Variants in COL25A1 observed in about 807,000 individuals in gnomAD.
COL25A1 encodes the protein collagen type XXV alpha 1 chain.
COL25A1 carries 103 observed loss-of-function variants against 128.4 expected under a neutral mutation model. The observed-to-expected ratio is 0.80, with a 90% CI of 0.68 to 0.94. The LOEUF (loss-of-function observed/expected upper bound fraction) is 0.94, where lower values mean the gene tolerates loss of function less well. COL25A1 is among the 40% of genes least tolerant of loss of function. COL25A1 has a pLI of 0.00. For synonymous variants in COL25A1, 279 were observed against 277.2 expected, an observed-to-expected ratio of 1.01 and a Z score of -0.06; for missense variants, 745 against 840.0, an observed-to-expected ratio of 0.89 and a Z score of 1.40.
chr4:109,032,114 C>T (rs1337779456), intron 5 of COL25A1, among the ~76,000 whole-genome samples: 1 of 152,014 alleles, frequency 6.6e-6, no homozygotes, highest in African/African-American at 2.4e-5. Context: ...CATTATCCAC[C>T]CCATTTTACA....
At chr4:108,925,906 T>C in intron 11 of COL25A1, among the ~76,000 whole-genome samples, 1 of 152,172 alleles carries the variant, frequency 6.6e-6, no homozygotes, top group East Asian at 1.9e-4. Flanking sequence ...TATGTGTATG[T>C]AGGCCTAAGG....
At chr4:109,087,999 A>G (rs1237412648) in intron 3 of COL25A1, among the ~76,000 whole-genome samples, 2 of 151,456 alleles carry the variant, frequency 1.3e-5, no homozygotes, top group Non-Finnish European at 2.9e-5. Context: ...TTCTGTGGTA[A>G]TGAATGGACT....
intron 13 of COL25A1, among the ~76,000 whole-genome samples, chr4:108,906,531 A>G (rs985161696): frequency 3.9e-5 from 6 of 152,134 alleles, no homozygotes; most frequent in African/African-American, 1.2e-4. Context: ...GTCTTCTGCC[A>G]TTAGGACTTT....
intron 18 of COL25A1, among the ~76,000 whole-genome samples, chr4:108,886,783 T>A (rs1185168214): frequency 6.6e-6 from 1 of 152,052 alleles, no homozygotes; most frequent in Non-Finnish European, 1.5e-5. Flanking sequence ...AGCTTAACCT[T>A]CAGGTTTAGA....
intron 3 of COL25A1, among the ~76,000 whole-genome samples, chr4:109,058,275 CT>C (rs752001192): frequency 6.6e-6 from 1 of 152,030 alleles, no homozygotes; most frequent in Non-Finnish European, 1.5e-5. Context: ...ATCATGACAG[CT>C]TTTTTTATTT....
At chr4:108,846,474 C>T (rs1735120802) in intron 27 of COL25A1, among the ~76,000 whole-genome samples, 2 of 152,198 alleles carry the variant, frequency 1.3e-5, no homozygotes, top group Admixed American at 6.5e-5. Flanking sequence ...TAGGTTTTGA[C>T]ATAATTTCTC....
intron 3 of COL25A1, among the ~76,000 whole-genome samples, chr4:109,053,416 C>T (rs1761160858): frequency 6.6e-6 from 1 of 152,202 alleles, no homozygotes; most frequent in South Asian, 2.1e-4. Context: ...TGTTTGAACG[C>T]TCTATTCCTC....
At chr4:109,266,541 G>A (rs948591113) in intron 3 of COL25A1, among the ~76,000 whole-genome samples, 20 of 152,202 alleles carry the variant, frequency 1.3e-4, no homozygotes, top group African/African-American at 4.8e-4. Context: ...AAAGATATGG[G>A]GGGCTGGGGA....
intron 3 of COL25A1, among the ~76,000 whole-genome samples, chr4:109,233,719 C>T (rs1324868800): frequency 6.6e-6 from 1 of 152,020 alleles, no homozygotes; most frequent in Admixed American, 6.6e-5. Context: ...ATAAACGAGG[C>T]CTTTGACATT....
intron 3 of COL25A1, among the ~76,000 whole-genome samples, chr4:109,167,067 C>T (rs898858854): frequency 1.3e-5 from 2 of 152,158 alleles, no homozygotes; most frequent in East Asian, 1.9e-4. Context: ...AACAAATTTG[C>T]TTTTCTTGAA....
chr4:109,286,976 G>A (rs1419133821), intron 3 of COL25A1, among the ~76,000 whole-genome samples: 1 of 152,116 alleles, frequency 6.6e-6, no homozygotes, highest in Non-Finnish European at 1.5e-5. Flanking sequence ...CCTAACAACT[G>A]GCAGAGATCA....
At chr4:109,241,642 T>C (rs980680003) in intron 3 of COL25A1, among the ~76,000 whole-genome samples, 3 of 140,318 alleles carry the variant, frequency 2.1e-5, no homozygotes, top group African/African-American at 8.0e-5. Context: ...AAAAAAAAAA[T>C]TGCTTGAGGA....
At chr4:108,927,424 A>T (rs1260651412) in intron 11 of COL25A1, among the ~76,000 whole-genome samples, 1 of 152,178 alleles carries the variant, frequency 6.6e-6, no homozygotes. Flanking sequence ...TTATTAAATT[A>T]TGTTTAGCGG....
intron 3 of COL25A1, among the ~76,000 whole-genome samples, chr4:109,280,538 A>G (rs562264906): frequency 1.6e-4 from 24 of 152,342 alleles, no homozygotes; most frequent in Non-Finnish European, 2.9e-4. Context: ...TCATGAGACC[A>G]TGGTGGAAAC....
intron 31 of COL25A1, among the ~76,000 whole-genome samples, chr4:108,839,117 T>A (rs1734135132): frequency 6.6e-6 from 1 of 152,138 alleles, no homozygotes; most frequent in Non-Finnish European, 1.5e-5. Context: ...AAGGGGTTTT[T>A]AACCTAGGCA....
At chr4:108,892,925 G>A (rs541988378) in intron 16 of COL25A1, among the ~76,000 whole-genome samples, 1 of 152,224 alleles carries the variant, frequency 6.6e-6, no homozygotes, top group South Asian at 2.1e-4. Context: ...GTCAGGGGGC[G>A]GAGGACAGAC....
intron 13 of COL25A1, among the ~76,000 whole-genome samples, chr4:108,917,551 G>T (rs1255690784): frequency 6.6e-6 from 1 of 152,154 alleles, no homozygotes; most frequent in Non-Finnish European, 1.5e-5. Context: ...GCTATGCTTT[G>T]TTCAACTAGT....
At chr4:109,291,097 T>C (rs540237733) in intron 3 of COL25A1, among the ~76,000 whole-genome samples, 3 of 152,264 alleles carry the variant, frequency 2.0e-5, no homozygotes, top group African/African-American at 7.2e-5. Context: ...TGTCATTCTG[T>C]GTCCTACCAG....
At chr4:109,141,985 C>T (rs1198379773) in intron 3 of COL25A1, among the ~76,000 whole-genome samples, 1 of 152,094 alleles carries the variant, frequency 6.6e-6, no homozygotes, top group Non-Finnish European at 1.5e-5. Context: ...AATTTATTTG[C>T]TCTTGCTTCT....
Sources: gnomAD v4.1 joint callset for allele counts (sites outside exome capture counted in the v4.1 genomes callset) on GRCh38, gnomAD v4.1.1 for gene constraint, MANE v1.5 for transcripts, NCBI Gene and HGNC (gene_info 2026-07-23, HGNC 2026-07-21) for gene names.